PDZD2: variants seen among roughly 807,000 people sequenced by gnomAD.
The protein encoded by PDZD2 is PDZ domain-containing protein 2.
Under a neutral mutation model 220.7 loss-of-function variants are expected in PDZD2, and 90 were observed. That is an observed-to-expected ratio of 0.41 (90% CI 0.34 to 0.49). The LOEUF (loss-of-function observed/expected upper bound fraction) is 0.49, where lower values mean the gene tolerates loss of function less well. Ranked by LOEUF, PDZD2 falls within the 20% of genes least tolerant of loss-of-function variation. The pLI, the probability that PDZD2 is intolerant of heterozygous loss-of-function variation, is 0.28. For missense variants in PDZD2, 3,174 were observed against 3,608.5 expected (o/e 0.88, Z 3.08); for synonymous variants, 1,375 against 1,450.5 (o/e 0.95, Z 1.18).
chr5:31,863,314 A>T (rs62361595), intron 2 of PDZD2, among the ~76,000 whole-genome samples: 14,102 of 152,270 alleles, frequency 0.093, 821 homozygotes, highest in Non-Finnish European at 0.13. Flanking sequence ...AGTAGATGGC[A>T]TTTTGGAAGC....
chr5:31,940,054 TAA>T (rs1433029879), intron 2 of PDZD2, among the ~76,000 whole-genome samples: 1 of 152,216 alleles, frequency 6.6e-6, no homozygotes, highest in African/African-American at 2.4e-5. Flanking sequence ...GTGCCCCTCT[TAA>T]GAGCTTTTGT....
intron 1 of PDZD2, among the ~76,000 whole-genome samples, chr5:31,698,388 GATC>G (rs1160872473): frequency 6.7e-6 from 1 of 149,586 alleles, no homozygotes; most frequent in Non-Finnish European, 1.5e-5. Context: ...GAGGTCAAGA[GATC>G]AAGACCATCC....
intron 1 of PDZD2, among the ~76,000 whole-genome samples, chr5:31,724,341 G>A (rs1201065775): frequency 1.7e-4 from 26 of 152,130 alleles, no homozygotes; most frequent in African/African-American, 5.1e-4. Flanking sequence ...AGTGGCTCAC[G>A]CCTGTAATCC....
chr5:31,882,528 C>T (rs982423940), intron 2 of PDZD2, among the ~76,000 whole-genome samples: 2 of 152,132 alleles, frequency 1.3e-5, no homozygotes, highest in African/African-American at 4.8e-5. Flanking sequence ...TTATCCAGAC[C>T]CTGAGATTTC....
chr5:31,832,302 T>A (rs1264313107), intron 2 of PDZD2: 1 of 104,792 alleles, frequency 9.5e-6, no homozygotes. Context: ...GATGTAAAGT[T>A]TCAGCCTGGT....
At chr5:31,787,469 C>G (rs1470802524) in intron 1 of PDZD2, among the ~76,000 whole-genome samples, 3 of 152,086 alleles carry the variant, frequency 2.0e-5, no homozygotes, top group African/African-American at 7.2e-5. Flanking sequence ...GGTTTTTTGG[C>G]CTTCAATATT....
At chr5:31,854,438 G>A (rs927533225) in intron 2 of PDZD2, among the ~76,000 whole-genome samples, 6 of 152,230 alleles carry the variant, frequency 3.9e-5, no homozygotes, top group Admixed American at 3.3e-4. Context: ...GGTTACTCCA[G>A]CCGAAAGGCT....
chr5:31,934,793 C>T (rs2150395919), intron 2 of PDZD2, among the ~76,000 whole-genome samples: 1 of 151,818 alleles, frequency 6.6e-6, no homozygotes, highest in South Asian at 2.1e-4. Context: ...TACTAAAAAA[C>T]ACCAAAAATC....
At chr5:31,984,553 A>G (rs1442210575) in intron 3 of PDZD2, among the ~76,000 whole-genome samples, 1 of 150,982 alleles carries the variant, frequency 6.6e-6, no homozygotes, top group East Asian at 1.9e-4. Context: ...TAGGAGTATC[A>G]AGTTGAGGCC....
intron 6 of PDZD2, among the ~76,000 whole-genome samples, chr5:32,031,377 AT>A (rs1322267878): frequency 6.6e-6 from 1 of 152,112 alleles, no homozygotes; most frequent in African/African-American, 2.4e-5. Context: ...CACTACGCCT[AT>A]TCTGATCAGG....
intron 9 of PDZD2, 108 bp downstream of exon 9, chr5:32,052,838 T>A (rs979607130): frequency 2.6e-4 from 309 of 1,185,400 alleles, no homozygotes; most frequent in Non-Finnish European, 5.0e-5. Flanking sequence ...AGAAACAGGT[T>A]CTTGCTCTGT....
chr5:31,857,367 G>C (rs961136462), intron 2 of PDZD2, among the ~76,000 whole-genome samples: 3 of 152,074 alleles, frequency 2.0e-5, no homozygotes, highest in Non-Finnish European at 4.4e-5. Flanking sequence ...GTAGCATCCC[G>C]TGTGTTTTAG....
intron 2 of PDZD2, among the ~76,000 whole-genome samples, chr5:31,821,897 G>A (rs7722843): frequency 0.47 from 68,947 of 147,940 alleles, 16,124 homozygotes; most frequent in African/African-American, 0.48. Context: ...CCCTGTGTCC[G>A]TGTGTTCTCA....
chr5:32,053,856 G>A lies in PDZD2; in HGVS notation c.1873G>A (p.Ala625Thr), dbSNP rs764483418. 6.2e-7 allele frequency: 1 copy of A among 1,608,190 alleles called. No homozygotes were observed. Among genetic ancestry groups the A allele is most frequent in the Admixed American group, 1.7e-5 (1 of 60,008 alleles). ...FVKTIFPNGSAAEDGRLKEGD... is the reference protein window; with the variant it reads ...FVKTIFPNGSTAEDGRLKEGD... ...CAAGACCATCTTCCCAAATGGATCA[G>A]CTGCAGAGGACGGAAGACTTAAAGA... The change falls in exon 10 of 25, where the codon GCT becomes ACT. Residue 625 changes from alanine (A) to threonine (T), a missense_variant. Physicochemically the swap from Ala to Thr is moderately conservative, Grantham distance 58 (BLOSUM62 0). Around this residue, in one of 4 missense-constraint regions of PDZD2, gnomAD observed 50 missense variants for 109.5 expected, o/e 0.46. Transcript: ENST00000438447.
At chr5:31,766,074 G>C (rs950001775) in intron 1 of PDZD2, among the ~76,000 whole-genome samples, 2 of 152,132 alleles carry the variant, frequency 1.3e-5, no homozygotes, top group Non-Finnish European at 2.9e-5. Flanking sequence ...CAGCTACTCA[G>C]GGGGCTGGGG....
At chr5:32,013,792 T>G (rs1753512025) in intron 6 of PDZD2, among the ~76,000 whole-genome samples, 1 of 152,134 alleles carries the variant, frequency 6.6e-6, no homozygotes, top group African/African-American at 2.4e-5. Context: ...CTCCCTCCCC[T>G]TCTGCTCCAC....
chr5:31,848,269 A>T (rs763965169), intron 2 of PDZD2: 1 of 177,258 alleles, frequency 5.6e-6, no homozygotes, highest in African/African-American at 2.4e-5. Flanking sequence ...ACCATGCTGG[A>T]AAACCTCATT....
chr5:32,086,905 T>A (rs936800991), intron 19 of PDZD2, among the ~76,000 whole-genome samples: 3 of 146,436 alleles, frequency 2.0e-5, no homozygotes, highest in Non-Finnish European at 4.5e-5. Context: ...GCCAGGCTGG[T>A]CTCGAACTCC....
At chr5:32,007,224 G>C (rs1173892935) in intron 5 of PDZD2, among the ~76,000 whole-genome samples, 3 of 151,378 alleles carry the variant, frequency 2.0e-5, no homozygotes, top group Non-Finnish European at 3.0e-5. Context: ...GGCCTGCCAT[G>C]CTGGTCTTAA....
Sources: allele counts gnomAD v4.1 joint callset (sites outside exome capture counted in the v4.1 genomes callset), GRCh38; gene constraint gnomAD v4.1.1; regional missense constraint gnomAD v4.1.1; transcripts MANE v1.5; gene names NCBI Gene and HGNC (gene_info 2026-07-23, HGNC 2026-07-21).